The following CNGA1 variants were observed in gnomAD, a reference collection of about 807,000 sequenced individuals.
CNGA1 encodes the protein cyclic nucleotide-gated channel alpha-1.
Under a neutral mutation model 69.7 loss-of-function variants are expected in CNGA1, and 53 were observed. The ratio of observed to expected loss-of-function variants is 0.76; its 90% CI spans 0.61 to 0.96. The LOEUF (loss-of-function observed/expected upper bound fraction) is 0.96. Ranked by LOEUF, CNGA1 falls within the 40% of genes least tolerant of loss-of-function variation. CNGA1 has a pLI of 0.00. For missense variants in CNGA1, 739 were observed against 811.2 expected, an observed-to-expected ratio of 0.91 and a Z score of 1.08; for synonymous variants, 249 against 283.5, an observed-to-expected ratio of 0.88 and a Z score of 1.22.
Position 47,937,492 on chromosome 4 carries a change from G to A in CNGA1, c.990C>T (p.Tyr330=). The A allele has an allele frequency of 6.2e-7, 1 of 1,614,112 alleles. No homozygotes were observed. Among genetic ancestry groups the A allele is most frequent in the African/African-American group, 1.3e-5 (1 of 75,016 alleles). The part of the protein sequence containing the change: ...AIGFGNDTWV[Y]PDINDPEFGR... Reference sequence around the variant, plus strand: ...CAAATTCAGGATCATTAATATCAGGGTAGACCCATGTATCATTTCCAAATC... The same window carrying A: ...CAAATTCAGGATCATTAATATCAGGATAGACCCATGTATCATTTCCAAATC... Residue 330 remains tyrosine, a synonymous_variant, in exon 11 of 11, where the codon TAC becomes TAT. Coordinates refer to ENST00000514170, the MANE Select transcript of CNGA1 (RefSeq NM_001379270.1).
chr4:48,011,726 G>A (rs188043251), intron 1 of CNGA1, among the ~76,000 whole-genome samples: 1 of 152,186 alleles, frequency 6.6e-6, no homozygotes, highest in African/African-American at 2.4e-5. Context: ...CAGAAAGGTG[G>A]GACAATTTAA....
At chr4:47,980,981 G>A (rs1345661378) in intron 3 of CNGA1, among the ~76,000 whole-genome samples, 3 of 151,996 alleles carry the variant, frequency 2.0e-5, no homozygotes, top group African/African-American at 7.2e-5. Flanking sequence ...TAAGTTTCCA[G>A]TGAGTTGGAG....
intron 3 of CNGA1, among the ~76,000 whole-genome samples, chr4:47,980,436 CAG>C (rs1741636089): frequency 6.7e-6 from 1 of 150,002 alleles, no homozygotes; most frequent in African/African-American, 2.5e-5. Context: ...AAAAACATGA[CAG>C]TAATTGATAA....
At chr4:48,008,281 C>T (rs1200906493) in intron 2 of CNGA1, among the ~76,000 whole-genome samples, 1 of 152,094 alleles carries the variant, frequency 6.6e-6, no homozygotes, top group Non-Finnish European at 1.5e-5. Context: ...CTTAAACAAC[C>T]AGTCATTTTA....
At chr4:47,959,951 CT>C (rs879799298) in intron 3 of CNGA1, among the ~76,000 whole-genome samples, 6 of 152,120 alleles carry the variant, frequency 3.9e-5, no homozygotes, top group Admixed American at 2.0e-4. Flanking sequence ...AAATTATAAA[CT>C]TTTGCTTATC....
rs555903477 is a variant in CNGA1, at chr4:48,002,897, A to T, written c.-123+7897T>A. On this transcript the variant is annotated intron_variant, in intron 2 of 10. Coordinates refer to ENST00000514170, the MANE Select transcript of CNGA1 (RefSeq NM_001379270.1). ...AGCCTGATGGCCTCCCATTAGCTTT[A>T]TAAAAGTGAATGAGTTTTAGGATAA... 2.6e-5 allele frequency among the ~76,000 whole-genome samples: 4 copies of T among 152,252 alleles called. No individual in the cohort carries two copies. In the East Asian group the frequency reaches 7.7e-4, roughly 29 times the overall value.
Position 47,937,173 on chromosome 4 carries a change from G to C in CNGA1, c.1309C>G (p.Leu437Val), listed in dbSNP as rs771075850. 11 of 1,614,148 alleles carry C rather than the reference G, an allele frequency of 6.8e-6. No individual in the cohort carries two copies. The highest frequency in any genetic ancestry group is 1.6e-4 in the Middle Eastern group (1 of 6,062). The change falls in exon 11 of 11, where the codon CTG becomes GTG. Residue 437 changes from leucine (L) to valine (V), a missense_variant. Leu to Val is a conservative substitution (Grantham distance 32). Coordinates refer to ENST00000514170, the MANE Select transcript of CNGA1 (RefSeq NM_001379270.1). ...TCAACTGTTTTTTTGTTGGTCCACA[G>C]GTAGTCAAACCATTTAATAACCCTC... is the stretch of plus-strand genomic sequence containing the variant. Reference protein sequence around the residue: ...EKRVIKWFDYLWTNKKTVDEK... With the variant: ...EKRVIKWFDYVWTNKKTVDEK...
chr4:48,004,084 C>CAA (rs1254611949), intron 2 of CNGA1, among the ~76,000 whole-genome samples: 1 of 152,206 alleles, frequency 6.6e-6, no homozygotes, highest in Non-Finnish European at 1.5e-5. Flanking sequence ...GTTTAGTTAG[C>CAA]AGTAGCAAAT....
Position 47,981,436 on chromosome 4 carries a change from C to T in CNGA1, c.-58G>A, listed in dbSNP as rs1306825717. 1.3e-5 allele frequency: 2 copies of T among 152,132 alleles called. No individual in the cohort carries two copies. Among genetic ancestry groups the T allele is most frequent in the Admixed American group, 6.5e-5 (1 of 15,274 alleles). The allele number at this position is 152,132 out of a possible 1,614,324, so 9.4% of individuals were successfully genotyped here. On this transcript the variant is annotated 5_prime_UTR_variant, in exon 3 of 11. Coordinates refer to ENST00000514170, the MANE Select transcript of CNGA1 (RefSeq NM_001379270.1). ...TATAACTTTGTCTTCTAGAAGTGGA[C>T]GTCACTGGTGTATCCAAACAAACAG...
At chr4:47,965,109 C>G (rs1015503236) in intron 3 of CNGA1, among the ~76,000 whole-genome samples, 3 of 152,022 alleles carry the variant, frequency 2.0e-5, no homozygotes, top group Non-Finnish European at 4.4e-5. Flanking sequence ...GAAGATAATA[C>G]ATAATAATGT....
chr4:47,956,803 C>T (rs766899430), intron 3 of CNGA1, among the ~76,000 whole-genome samples: 1 of 152,102 alleles, frequency 6.6e-6, no homozygotes, highest in Non-Finnish European at 1.5e-5. Flanking sequence ...CATTCCCAGA[C>T]TTTTTGTTGC....
chr4:47,984,661 T>TACACACACACACAC (rs1181982176), intron 2 of CNGA1, among the ~76,000 whole-genome samples: 1 of 96,966 alleles, frequency 1.0e-5, no homozygotes, highest in Non-Finnish European at 2.2e-5. Flanking sequence ...TATATATATA[T>TACACACACACACAC]ATACACACAC....
At chr4:47,978,252 C>A (rs1741520251) in intron 3 of CNGA1, among the ~76,000 whole-genome samples, 1 of 152,092 alleles carries the variant, frequency 6.6e-6, no homozygotes, top group Non-Finnish European at 1.5e-5. Flanking sequence ...TCACAACGTA[C>A]TTTAAAGAGA....
At chr4:47,945,191 C>T (rs1739321590) in intron 6 of CNGA1, among the ~76,000 whole-genome samples, 1 of 151,958 alleles carries the variant, frequency 6.6e-6, no homozygotes, top group Non-Finnish European at 1.5e-5. Flanking sequence ...AGCAAGACCC[C>T]ATCTCAAAAA....
chr4:48,000,390 A>C (rs1301348305), intron 2 of CNGA1, among the ~76,000 whole-genome samples: 1 of 150,314 alleles, frequency 6.7e-6, no homozygotes, highest in East Asian at 1.9e-4. Flanking sequence ...TTTTTTTGAG[A>C]CAGAGTTTCG....
chr4:47,955,147 C>A (rs6447601), intron 3 of CNGA1, among the ~76,000 whole-genome samples: 15,180 of 138,984 alleles, frequency 0.11, 1,224 homozygotes, highest in East Asian at 0.31. Flanking sequence ...AATAAAATTT[C>A]TTTTTCTCTG....
At chr4:48,006,853 C>A (rs1714941714) in intron 2 of CNGA1, among the ~76,000 whole-genome samples, 2 of 152,028 alleles carry the variant, frequency 1.3e-5, no homozygotes. Flanking sequence ...AAACTCTTGA[C>A]CTCAAACGAT....
intron 1 of CNGA1, among the ~76,000 whole-genome samples, chr4:48,012,558 CTTTTTTTTTTTTTTT>C (rs528643370): frequency 1.5e-5 from 1 of 64,954 alleles, no homozygotes; most frequent in African/African-American, 6.6e-5. Context: ...ACCACACCAT[CTTTTTTTTTTTTTTT>C]TTTTTTTTTT....
chr4:48,000,596 G>A (rs983661534), intron 2 of CNGA1, among the ~76,000 whole-genome samples: 9 of 152,030 alleles, frequency 5.9e-5, no homozygotes, highest in Admixed American at 2.0e-4. Flanking sequence ...TTGAACTCCC[G>A]ACCTCAGGTG....
Sources: gnomAD v4.1 joint callset for allele counts (sites outside exome capture counted in the v4.1 genomes callset) on GRCh38, gnomAD v4.1.1 for gene constraint, MANE v1.5 for transcripts, NCBI Gene and HGNC (gene_info 2026-07-23, HGNC 2026-07-21) for gene names.